PTPRR: variants seen among roughly 807,000 people sequenced by gnomAD.
PTPRR encodes the protein protein tyrosine phosphatase receptor type R, also known as receptor-type tyrosine-protein phosphatase R.
PTPRR carries 38 observed loss-of-function variants against 77.2 expected under a neutral mutation model. The observed-to-expected ratio is 0.49, with a 90% CI of 0.38 to 0.65. The LOEUF (loss-of-function observed/expected upper bound fraction) is 0.65, where lower values mean the gene tolerates loss of function less well. Among genes scored for constraint, PTPRR ranks in the 30% least tolerant of loss-of-function variants. The probability of loss-of-function intolerance (pLI) is 0.00; values close to 1 mark genes in which losing one functional copy is unlikely to be tolerated. For missense variants in PTPRR, 744 were observed against 799.2 expected, an observed-to-expected ratio of 0.93 and a Z score of 0.83; for synonymous variants, 299 against 283.1, an observed-to-expected ratio of 1.06 and a Z score of -0.57.
chr12:70,715,825 A>C (rs1240765167), intron 6 of PTPRR, among the ~76,000 whole-genome samples: 1 of 152,132 alleles, frequency 6.6e-6, no homozygotes, highest in Non-Finnish European at 1.5e-5. Flanking sequence ...CAGGTACTCT[A>C]CAATTTGTGC....
At chr12:70,653,682 T>G (rs1886475852) in intron 13 of PTPRR, among the ~76,000 whole-genome samples, 1 of 152,192 alleles carries the variant, frequency 6.6e-6, no homozygotes, top group Non-Finnish European at 1.5e-5. Flanking sequence ...TTCACATAGG[T>G]CATATCATCT....
chr12:70,890,212 A>G (rs1257182848), intron 2 of PTPRR, among the ~76,000 whole-genome samples: 1 of 152,238 alleles, frequency 6.6e-6, no homozygotes, highest in Non-Finnish European at 1.5e-5. Flanking sequence ...GTACTTGCAC[A>G]GAAATCCTAA....
At chr12:70,766,151 A>G (rs1890816163) in intron 2 of PTPRR, among the ~76,000 whole-genome samples, 1 of 152,228 alleles carries the variant, frequency 6.6e-6, no homozygotes, top group Non-Finnish European at 1.5e-5. Context: ...GCAACGGAAC[A>G]AAGCTGGACA....
chr12:70,704,601 T>C (rs1475363455), intron 6 of PTPRR, among the ~76,000 whole-genome samples: 1 of 152,142 alleles, frequency 6.6e-6, no homozygotes, highest in East Asian at 1.9e-4. Context: ...TTTAATGAGT[T>C]AATTTTCTAA....
At chr12:70,762,927 T>C (rs1465478299) in intron 3 of PTPRR, among the ~76,000 whole-genome samples, 1 of 152,156 alleles carries the variant, frequency 6.6e-6, no homozygotes. Context: ...AGCATATTCC[T>C]TCCTCAGTCT....
chr12:70,761,526 A>G lies in PTPRR; in HGVS notation c.572T>C (p.Ile191Thr), dbSNP rs755906918. Residue 191 changes from isoleucine to threonine, a missense_variant, in exon 4 of 14, where the codon ATC becomes ACC. Physicochemically the swap from Ile to Thr is moderately conservative, Grantham distance 89. Coordinates refer to ENST00000283228, the MANE Select transcript of PTPRR (RefSeq NM_002849.4). ...PSEEVLRSLN[I>T]NVLHQSLSQF... ...GGATAAACTTTGATGCAAAACATTG[A>G]TATTAAGTGAACGAAGAACTTCCTC... 1 of 1,612,260 alleles carries G rather than the reference A, an allele frequency of 6.2e-7. No homozygotes were observed.
chr12:70,697,809 A>G (rs1693006536), intron 8 of PTPRR, among the ~76,000 whole-genome samples: 1 of 151,814 alleles, frequency 6.6e-6, no homozygotes, highest in African/African-American at 2.4e-5. Flanking sequence ...TTCCCATTGA[A>G]TTGTTTGACC....
intron 13 of PTPRR, among the ~76,000 whole-genome samples, chr12:70,652,309 G>T (rs1381213511): frequency 6.6e-6 from 1 of 152,104 alleles, no homozygotes; most frequent in East Asian, 1.9e-4. Context: ...GAATAATGTG[G>T]GAGAAAAAGA....
rs1371702230 is a variant in PTPRR, at chr12:70,898,339, A to C, written c.59-5362T>G. Among the ~76,000 whole-genome samples the C allele has an allele frequency of 3.3e-5, 5 of 150,538 alleles. No individual in the cohort carries two copies. In the East Asian group the frequency reaches 9.7e-4, roughly 29 times the overall value. ...TCTATAAATGTGAACCCAATGCATT[A>C]TCTTGTCAATATATGCACTTTTAAA... is the stretch of plus-strand genomic sequence containing the variant. On this transcript the variant is annotated intron_variant, in intron 1 of 13. Transcript: ENST00000283228.
chr12:70,734,485 G>T (rs548448304), intron 6 of PTPRR, among the ~76,000 whole-genome samples: 1 of 152,154 alleles, frequency 6.6e-6, no homozygotes, highest in Admixed American at 6.5e-5. Flanking sequence ...TGGGGTTGCA[G>T]GCTAATGGAT....
chr12:70,771,098 T>A (rs1890963429), intron 2 of PTPRR, among the ~76,000 whole-genome samples: 1 of 151,422 alleles, frequency 6.6e-6, no homozygotes, highest in Admixed American at 6.6e-5. Flanking sequence ...GGCACATGTA[T>A]ACATATGTAA....
intron 2 of PTPRR, among the ~76,000 whole-genome samples, chr12:70,868,620 T>A (rs1892902870): frequency 6.6e-6 from 1 of 152,034 alleles, no homozygotes; most frequent in Non-Finnish European, 1.5e-5. Flanking sequence ...CTTGTGGAAG[T>A]CAGTGTGGCG....
At chr12:70,909,794 G>T (rs1218928867) in intron 1 of PTPRR, among the ~76,000 whole-genome samples, 1 of 152,228 alleles carries the variant, frequency 6.6e-6, no homozygotes, top group East Asian at 1.9e-4. Context: ...GATACCGCAT[G>T]TCCTACCCAA....
chr12:70,896,916 A>T (rs371876921), intron 1 of PTPRR, among the ~76,000 whole-genome samples: 2 of 151,740 alleles, frequency 1.3e-5, no homozygotes, highest in Non-Finnish European at 2.9e-5. Context: ...AAGATCAGAT[A>T]GTTGTAGATA....
At chr12:70,894,448 G>A (rs538734276) in intron 1 of PTPRR, among the ~76,000 whole-genome samples, 1 of 151,654 alleles carries the variant, frequency 6.6e-6, no homozygotes, top group East Asian at 1.9e-4. Flanking sequence ...AGTAAACCAG[G>A]ATGAAAGTAG....
intron 6 of PTPRR, among the ~76,000 whole-genome samples, chr12:70,730,989 A>G (rs1889635142): frequency 6.9e-6 from 1 of 144,392 alleles, no homozygotes; most frequent in African/African-American, 2.6e-5. Context: ...AGGAGAGAGG[A>G]AGGAAGGAGG....
At chr12:70,813,327 AT>A (rs1891842989) in intron 2 of PTPRR, among the ~76,000 whole-genome samples, 1 of 152,232 alleles carries the variant, frequency 6.6e-6, no homozygotes. Context: ...TAACTTTTGC[AT>A]TGACCTATTA....
rs182059768 is a variant in PTPRR at position 70,746,575 on chromosome 12, A to G, written c.739-489T>C. Among the ~76,000 whole-genome samples, 378 of 152,338 alleles carry G rather than the reference A, an allele frequency of 2.5e-3. 1 individual carries two copies. The highest frequency in any genetic ancestry group is 8.2e-3 in the African/African-American group (343 of 41,582). On this transcript the variant is annotated intron_variant, in intron 5 of 13. Coordinates refer to ENST00000283228, the MANE Select transcript of PTPRR (RefSeq NM_002849.4). ...GTTGGTAAATCTCTGCATTAGTCAT[A>G]TATCAACTTGAGTATCTGGTAAATA...
chr12:70,767,556 A>G (rs1890858232), intron 2 of PTPRR, among the ~76,000 whole-genome samples: 2 of 152,096 alleles, frequency 1.3e-5, no homozygotes, highest in South Asian at 4.2e-4. Flanking sequence ...ACTCCTACAC[A>G]ATAATAATGG....
Sources: gnomAD v4.1 joint callset for allele counts (sites outside exome capture counted in the v4.1 genomes callset) on GRCh38, gnomAD v4.1.1 for gene constraint, MANE v1.5 for transcripts, NCBI Gene and HGNC (gene_info 2026-07-23, HGNC 2026-07-21) for gene names.